CLASP2: variants seen among roughly 807,000 people sequenced by gnomAD.
CLASP2 encodes the protein cytoplasmic linker associated protein 2, also known as CLIP-associating protein 2.
In CLASP2, 47 loss-of-function variants were observed where a neutral mutation model predicts 194.4. That is an observed-to-expected ratio of 0.24 (90% confidence interval 0.19 to 0.31). CLASP2 has a LOEUF of 0.31. Among genes scored for constraint, CLASP2 ranks in the 10% least tolerant of loss-of-function variants. The pLI, the probability that CLASP2 is intolerant of heterozygous loss-of-function variation, is 1.00. For missense variants in CLASP2, 1,445 were observed against 1,823.6 expected, an observed-to-expected ratio of 0.79 and a Z score of 3.78; for synonymous variants, 619 against 633.5, an observed-to-expected ratio of 0.98 and a Z score of 0.34.
Position 33,659,328 on chromosome 3 carries a change from A to G in CLASP2, c.715+4117T>C, listed in dbSNP as rs920884361. On this transcript the variant is annotated intron_variant, in intron 7 of 38. Transcript: ENST00000682230. The stretch of plus-strand genomic sequence containing the variant: ...AATTTAATCTAAGAAAAGCTCTGAG[A>G]GCCAATAAATGCCATCCCGCTGGGG... 1.4e-5 allele frequency: 16 copies of G among 1,134,394 alleles called. No homozygotes were observed. The African/African-American group carries it at 2.4e-4, about 17-fold the overall frequency. The allele number at this position is 1,134,394 out of a possible 1,614,324, so 70.3% of individuals were successfully genotyped here. A position where few individuals can be genotyped will look rare whatever the true frequency, so the allele number is the denominator to read the frequency against.
In CLASP2 at chr3:33,627,088, A is replaced by C; in HGVS notation, c.943-8T>G. 1 of 1,428,766 alleles carries C rather than the reference A, an allele frequency of 7.0e-7. No homozygotes were observed. Among genetic ancestry groups the C allele is most frequent in the Non-Finnish European group, 9.7e-7 (1 of 1,032,386 alleles). 88.5% of individuals were successfully genotyped at this position (1,428,766 alleles called of 1,614,324 possible). A position where few individuals can be genotyped will look rare whatever the true frequency, so the allele number is the denominator to read the frequency against. ...TTCTCGACTAGAATAAATCTTAAAA[A>C]AAAGATTCAGAATTATAACAATGTT... On this transcript the variant is annotated splice_region_variant and splice_polypyrimidine_tract_variant and intron_variant, in intron 9 of 38. Coordinates refer to ENST00000682230, the MANE Select transcript of CLASP2 (RefSeq NM_001365631.1).
intron 10 of CLASP2, among the ~76,000 whole-genome samples, chr3:33,626,043 T>G (rs2077990026): frequency 6.6e-6 from 1 of 152,114 alleles, no homozygotes; most frequent in African/African-American, 2.4e-5. Flanking sequence ...TGACAAAAAA[T>G]CTTTCTGTAT....
intron 7 of CLASP2, among the ~76,000 whole-genome samples, chr3:33,652,633 A>G (rs987384690): frequency 1.6e-4 from 24 of 152,006 alleles, no homozygotes; most frequent in African/African-American, 5.8e-4. Context: ...TATGCTGACA[A>G]CTCTCAAATG....
At position 33,541,167 on chromosome 3, in the gene CLASP2, TTC is replaced by T. The variant is rs61215169; in HGVS notation, c.3405-2227_3405-2226del. ...TATATACCCAAAGGAATACAAATCT[TTC>T]TGTTATAAAGACACATGCACATGTA... On this transcript the variant is annotated intron_variant, in intron 32 of 38. Coordinates refer to ENST00000682230, the MANE Select transcript of CLASP2 (RefSeq NM_001365631.1). 3.3e-5 allele frequency among the ~76,000 whole-genome samples: 5 copies of T among 152,252 alleles called. No homozygotes were observed. In the East Asian group the frequency reaches 9.6e-4, roughly 29 times the overall value.
chr3:33,627,102 T>C (rs745415515), intron 9 of CLASP2, 22 bp from the exon 10 acceptor site: 6 of 1,325,110 alleles, frequency 4.5e-6, no homozygotes, highest in South Asian at 2.6e-5. Flanking sequence ...GATTCAGAAT[T>C]ATAACAATGT....
intron 9 of CLASP2, among the ~76,000 whole-genome samples, chr3:33,628,401 A>T (rs1490991428): frequency 6.6e-6 from 1 of 152,118 alleles, no homozygotes; most frequent in Non-Finnish European, 1.5e-5. Flanking sequence ...TTCCCCCAAT[A>T]AGGAAGAAGA....
intron 34 of CLASP2, among the ~76,000 whole-genome samples, chr3:33,532,813 C>T (rs1450706587): frequency 6.6e-6 from 1 of 152,158 alleles, no homozygotes; most frequent in Non-Finnish European, 1.5e-5. Flanking sequence ...AAAGGATCCT[C>T]CTGGCTCAGC....
intron 13 of CLASP2, 68 bp downstream of exon 13, chr3:33,611,933 G>A (rs957827495): frequency 1.9e-6 from 2 of 1,063,038 alleles, no homozygotes; most frequent in Middle Eastern, 2.0e-4. Flanking sequence ...TCTTGCAGCA[G>A]ACAAATAATT....
At chr3:33,628,628 T>A (rs1030793210) in intron 9 of CLASP2, among the ~76,000 whole-genome samples, 3 of 152,138 alleles carry the variant, frequency 2.0e-5, no homozygotes, top group Non-Finnish European at 4.4e-5. Context: ...CAGGATAAGT[T>A]TGAGGTGTCT....
At position 33,501,774 on chromosome 3, in the gene CLASP2, GAGAGAAGTCCACTGTTAGTACTCC is replaced by G. The variant is rs553798258; in HGVS notation, c.4318-30_4318-7del. The G allele has an allele frequency of 1.9e-5, 30 of 1,593,022 alleles. No homozygotes were observed. Among genetic ancestry groups the G allele is most frequent in the Admixed American group, 1.0e-4 (6 of 59,970 alleles). ...CTCTCTGAATTATCATAACCCTACG[GAGAGAAGTCCACTGTTAGTACTCC>G]AGAGAAGTCCACTGTTAGTACTCCC... On this transcript the variant is annotated splice_polypyrimidine_tract_variant and splice_region_variant and intron_variant, in intron 37 of 38. Coordinates refer to ENST00000682230, the MANE Select transcript of CLASP2 (RefSeq NM_001365631.1).
intron 1 of CLASP2, among the ~76,000 whole-genome samples, chr3:33,704,319 T>A (rs2092560794): frequency 6.6e-6 from 1 of 152,294 alleles, no homozygotes; most frequent in East Asian, 1.9e-4. Flanking sequence ...CTGTGCATTA[T>A]GCAGAAGCAG....
At chr3:33,643,926 GAT>G (rs1300495801) in intron 8 of CLASP2, among the ~76,000 whole-genome samples, 3 of 151,960 alleles carry the variant, frequency 2.0e-5, no homozygotes, top group Admixed American at 6.6e-5. Flanking sequence ...AACAAGGAAA[GAT>G]ATGTTTTCCC....
chr3:33,606,874 A>G (rs115269715), intron 15 of CLASP2, 116 bp from the exon 16 acceptor site: 22 of 747,864 alleles, frequency 2.9e-5, no homozygotes, highest in Middle Eastern at 3.6e-4. Flanking sequence ...GCATTATCTG[A>G]TATTTGTCAG....
chr3:33,601,489 CT>C (rs1248124739), intron 18 of CLASP2, among the ~76,000 whole-genome samples: 2 of 152,082 alleles, frequency 1.3e-5, no homozygotes, highest in African/African-American at 4.8e-5. Context: ...AACATTTTAA[CT>C]TTTTTACTAC....
intron 1 of CLASP2, among the ~76,000 whole-genome samples, chr3:33,702,972 G>T (rs1469015113): frequency 6.6e-6 from 1 of 152,048 alleles, no homozygotes; most frequent in Non-Finnish European, 1.5e-5. Flanking sequence ...TTAACTCAAA[G>T]GATCATAAAA....
chr3:33,690,860 T>C (rs2091273512), intron 2 of CLASP2, among the ~76,000 whole-genome samples: 1 of 152,168 alleles, frequency 6.6e-6, no homozygotes, highest in Non-Finnish European at 1.5e-5. Context: ...ACATCGCATG[T>C]ATAGCAGCAG....
At chr3:33,523,034 C>T (rs896813899) in intron 34 of CLASP2, among the ~76,000 whole-genome samples, 2 of 152,126 alleles carry the variant, frequency 1.3e-5, no homozygotes, top group African/African-American at 2.4e-5. Context: ...TGAGATCGCG[C>T]CACTGCACTC....
chr3:33,668,781 AG>A (rs1349255841), intron 6 of CLASP2, among the ~76,000 whole-genome samples: 1 of 152,216 alleles, frequency 6.6e-6, no homozygotes, highest in Non-Finnish European at 1.5e-5. Flanking sequence ...ACACAAGCAC[AG>A]CATGGAAGAA....
intron 32 of CLASP2, among the ~76,000 whole-genome samples, chr3:33,542,851 A>T (rs1277913625): frequency 6.6e-6 from 1 of 152,142 alleles, no homozygotes; most frequent in Non-Finnish European, 1.5e-5. Context: ...TTTATACAGC[A>T]TCTCTGAGAA....
Sources: allele counts gnomAD v4.1 joint callset (sites outside exome capture counted in the v4.1 genomes callset), GRCh38; gene constraint gnomAD v4.1.1; transcripts MANE v1.5; gene names NCBI Gene and HGNC (gene_info 2026-07-23, HGNC 2026-07-21).